ATP9B: variants seen among roughly 807,000 people sequenced by gnomAD.
ATP9B encodes the protein probable phospholipid-transporting ATPase IIB.
Under a neutral mutation model 146.1 loss-of-function variants are expected in ATP9B, and 110 were observed. The observed-to-expected ratio is 0.75, with a 90% confidence interval of 0.65 to 0.88. The LOEUF (loss-of-function observed/expected upper bound fraction) is 0.88, where lower values mean the gene tolerates loss of function less well. ATP9B is among the 40% of genes least tolerant of loss of function. The pLI is 0.00. For synonymous variants in ATP9B, 604 were observed against 569.7 expected (o/e 1.06, Z -0.86); for missense variants, 1,499 against 1,496.4 (o/e 1.00, Z -0.03).
At chr18:79,322,066 C>T (rs2096719157) in intron 15 of ATP9B, among the ~76,000 whole-genome samples, 1 of 152,196 alleles carries the variant, frequency 6.6e-6, no homozygotes, top group Non-Finnish European at 1.5e-5. Flanking sequence ...CCACCTCCCT[C>T]CCCTTCGATG....
At chr18:79,327,982 C>CCA (rs1352387568) in intron 15 of ATP9B, among the ~76,000 whole-genome samples, 1 of 9,438 alleles carries the variant, frequency 1.1e-4, no homozygotes, top group Non-Finnish European at 1.9e-4. Context: ...CGTGCTCTCT[C>CCA]TGGTTAGCGT....
At chr18:79,285,711 G>C (rs1409681966) in intron 13 of ATP9B, among the ~76,000 whole-genome samples, 1 of 152,186 alleles carries the variant, frequency 6.6e-6, no homozygotes, top group African/African-American at 2.4e-5. Flanking sequence ...GCCCTGAATG[G>C]TAATGCCTAG....
At chr18:79,230,826 A>G (rs1328555646) in intron 11 of ATP9B, among the ~76,000 whole-genome samples, 2 of 152,214 alleles carry the variant, frequency 1.3e-5, no homozygotes, top group African/African-American at 2.4e-5. Context: ...CATATAGACC[A>G]ATGGAACAGA....
At chr18:79,327,692 G>A (rs548096302) in intron 15 of ATP9B, among the ~76,000 whole-genome samples, 53 of 134,210 alleles carry the variant, frequency 3.9e-4, no homozygotes, top group African/African-American at 1.4e-3. Context: ...CGTGCTCTCC[G>A]TGGTTAGTGT....
In ATP9B at chr18:79,372,821, C is replaced by G. The variant is rs1408676347; in HGVS notation, c.3013-4C>G. ...CTAACGACGCTCTTCCACTGTTTCC[C>G]TAGGGAAGATCCTTGTCCTTCAAAA... On this transcript the variant is annotated splice_polypyrimidine_tract_variant and splice_region_variant and intron_variant, in intron 26 of 29. Transcript: ENST00000426216. 1.9e-6 allele frequency: 3 copies of G among 1,606,396 alleles called. No individual in the cohort carries two copies. The highest frequency in any genetic ancestry group is 2.6e-6 in the Non-Finnish European group (3 of 1,172,980).
intron 13 of ATP9B, among the ~76,000 whole-genome samples, chr18:79,279,843 A>G (rs1447072940): frequency 6.6e-6 from 1 of 152,222 alleles, no homozygotes. Context: ...CCTAGGAGGA[A>G]TCAGAAACTC....
intron 10 of ATP9B, among the ~76,000 whole-genome samples, chr18:79,210,060 G>A (rs1195773226): frequency 2.0e-5 from 3 of 152,114 alleles, no homozygotes; most frequent in Non-Finnish European, 4.4e-5. Flanking sequence ...CATGGGAACC[G>A]GGACTCAGGT....
intron 9 of ATP9B, among the ~76,000 whole-genome samples, chr18:79,206,154 A>G (rs948007712): frequency 4.6e-5 from 7 of 152,056 alleles, no homozygotes; most frequent in Non-Finnish European, 1.0e-4. Flanking sequence ...GTTAGCCAGG[A>G]TGGTCTCAAT....
At chr18:79,083,455 A>G (rs1482135457) in intron 1 of ATP9B, among the ~76,000 whole-genome samples, 1 of 152,150 alleles carries the variant, frequency 6.6e-6, no homozygotes, top group Non-Finnish European at 1.5e-5. Context: ...CTGGGGTATG[A>G]AAAAAGACTC....
At chr18:79,184,469 G>C (rs760697415) in intron 8 of ATP9B, among the ~76,000 whole-genome samples, 1 of 151,776 alleles carries the variant, frequency 6.6e-6, no homozygotes, top group Non-Finnish European at 1.5e-5. Flanking sequence ...TCTCATCCTC[G>C]CTCTGCTTCC....
intron 1 of ATP9B, among the ~76,000 whole-genome samples, chr18:79,093,924 C>G (rs2074560039): frequency 6.6e-6 from 1 of 152,160 alleles, no homozygotes; most frequent in Non-Finnish European, 1.5e-5. Context: ...GTTGGTTGTT[C>G]TTTCTCTTGA....
At chr18:79,195,207 G>A (rs1243368766) in intron 9 of ATP9B, among the ~76,000 whole-genome samples, 1 of 152,104 alleles carries the variant, frequency 6.6e-6, no homozygotes, top group Non-Finnish European at 1.5e-5. Flanking sequence ...CCCATCCTTG[G>A]AATAGGATTT....
intron 13 of ATP9B, among the ~76,000 whole-genome samples, chr18:79,283,035 C>T (rs770438604): frequency 1.7e-4 from 26 of 152,180 alleles, no homozygotes; most frequent in Middle Eastern, 3.2e-3. Flanking sequence ...GCCTCTAGTA[C>T]CCTGGTGAAA....
At chr18:79,166,275 A>T (rs2094963347) in intron 7 of ATP9B, among the ~76,000 whole-genome samples, 1 of 152,216 alleles carries the variant, frequency 6.6e-6, no homozygotes, top group African/African-American at 2.4e-5. Context: ...TCCTAGATCC[A>T]GCCTATCCTG....
chr18:79,180,089 T>A (rs1165945686), intron 8 of ATP9B, among the ~76,000 whole-genome samples: 3 of 152,356 alleles, frequency 2.0e-5, no homozygotes, highest in Admixed American at 1.3e-4. Flanking sequence ...CAGCTTTTTT[T>A]AAATTAGTAT....
At chr18:79,372,617 G>A (rs1469611034) in intron 26 of ATP9B, 2 of 668,626 alleles carry the variant, frequency 3.0e-6, no homozygotes, top group South Asian at 1.5e-5. Context: ...TCAGGCACCA[G>A]TGGACACGTG....
chr18:79,175,152 G>T (rs551417186), intron 7 of ATP9B, among the ~76,000 whole-genome samples: 2 of 145,568 alleles, frequency 1.4e-5, no homozygotes, highest in African/African-American at 2.6e-5. Flanking sequence ...AGTGAGCCGC[G>T]ATTGTGCCAC....
intron 21 of ATP9B, among the ~76,000 whole-genome samples, chr18:79,344,572 C>T (rs555382766): frequency 6.6e-6 from 1 of 152,316 alleles, no homozygotes; most frequent in East Asian, 1.9e-4. Context: ...GAGTCAAGTG[C>T]TTTTGCCCAT....
intron 7 of ATP9B, among the ~76,000 whole-genome samples, chr18:79,158,284 T>C (rs2094825953): frequency 1.3e-5 from 2 of 152,158 alleles, no homozygotes; most frequent in Admixed American, 6.6e-5. Flanking sequence ...TTTTATTTTA[T>C]TTTTGTAGAG....
Sources: gnomAD v4.1 joint callset for allele counts (sites outside exome capture counted in the v4.1 genomes callset) on GRCh38, gnomAD v4.1.1 for gene constraint, MANE v1.5 for transcripts, NCBI Gene and HGNC (gene_info 2026-07-23, HGNC 2026-07-21) for gene names.